Variants in PARD3 observed in about 807,000 individuals in gnomAD.
PARD3 encodes the protein partitioning defective 3 homolog.
Under a neutral mutation model 155.4 loss-of-function variants are expected in PARD3, and 75 were observed. The ratio of observed to expected loss-of-function variants is 0.48; its 90% confidence interval spans 0.40 to 0.58. The LOEUF is 0.58. PARD3 is among the 20% of genes least tolerant of loss of function. The pLI is 0.00. For synonymous variants in PARD3, 576 were observed against 610.5 expected (o/e 0.94, Z 0.83); for missense variants, 1,642 against 1,721.7 (o/e 0.95, Z 0.82).
intron 21 of PARD3, among the ~76,000 whole-genome samples, chr10:34,283,061 C>T (rs191039824): frequency 1.2e-4 from 18 of 152,104 alleles, no homozygotes; most frequent in Admixed American, 9.8e-4. Context: ...TCAAGAAAAA[C>T]CTCAGAGGTA....
intron 1 of PARD3, among the ~76,000 whole-genome samples, chr10:34,702,729 A>T (rs1055758192): frequency 1.3e-5 from 2 of 152,182 alleles, no homozygotes; most frequent in Non-Finnish European, 2.9e-5. Flanking sequence ...TCTAAAGAGA[A>T]AAGGCAGGGG....
intron 2 of PARD3, among the ~76,000 whole-genome samples, chr10:34,694,064 T>A (rs375326100): frequency 1.3e-5 from 2 of 151,878 alleles, no homozygotes; most frequent in African/African-American, 4.8e-5. Context: ...TGTATGTTTC[T>A]GCATTTTCCA....
intron 12 of PARD3, among the ~76,000 whole-genome samples, chr10:34,366,173 C>T (rs1018316439): frequency 1.3e-5 from 2 of 152,216 alleles, no homozygotes; most frequent in African/African-American, 2.4e-5. Context: ...TACAATGTTT[C>T]GACTTAATGA....
At chr10:34,217,297 G>A (rs1334218486) in intron 22 of PARD3, among the ~76,000 whole-genome samples, 1 of 152,264 alleles carries the variant, frequency 6.6e-6, no homozygotes, top group East Asian at 1.9e-4. Flanking sequence ...TTGGAAGATA[G>A]AGTGTTAAAT....
Position 34,544,139 on chromosome 10 carries a change from C to T in PARD3, c.223-26980G>A, listed in dbSNP as rs2083861697. ...TAAATTTAAAAGGATCCTAGCCTAA[C>T]TTTTCTTTTTGAATTCTGCATCTAT... On this transcript the variant is annotated intron_variant, in intron 2 of 24. Coordinates refer to ENST00000374788, the MANE Select transcript of PARD3 (RefSeq NM_001184785.2). Among the ~76,000 whole-genome samples the T allele has an allele frequency of 2.0e-5, 3 of 152,166 alleles. No individual in the cohort carries two copies. The South Asian group carries it at 6.2e-4, about 32-fold the overall frequency.
rs576883881 is a variant in PARD3, at chr10:34,591,044, G to A, written c.223-73885C>T. Among the ~76,000 whole-genome samples the A allele has an allele frequency of 5.9e-5, 9 of 152,138 alleles. No individual in the cohort carries two copies. The South Asian group carries it at 8.3e-4, about 14-fold the overall frequency. ...TGGCAGGACTACCAGGAAACAGGGC[G>A]GGAAGTAACAGGGGAAAACACACCT... On this transcript the variant is annotated intron_variant, in intron 2 of 24. Coordinates refer to ENST00000374788, the MANE Select transcript of PARD3 (RefSeq NM_001184785.2).
chr10:34,614,964 G>C (rs1291639783), intron 2 of PARD3, among the ~76,000 whole-genome samples: 1 of 152,156 alleles, frequency 6.6e-6, no homozygotes, highest in African/African-American at 2.4e-5. Flanking sequence ...GGATCACAAG[G>C]TCAGGAGATC....
At chr10:34,788,757 T>C (rs1294611198) in intron 1 of PARD3, among the ~76,000 whole-genome samples, 2 of 152,088 alleles carry the variant, frequency 1.3e-5, no homozygotes, top group East Asian at 1.9e-4. Context: ...TAACATATGA[T>C]CAAAATGAGA....
chr10:34,116,913 C>T (rs1223414682), intron 24 of PARD3, among the ~76,000 whole-genome samples: 2 of 152,026 alleles, frequency 1.3e-5, no homozygotes, highest in African/African-American at 2.4e-5. Context: ...CAGGGAGAGG[C>T]GGAGAAGGGA....
chr10:34,714,553 G>C (rs952137407), intron 1 of PARD3, among the ~76,000 whole-genome samples: 4 of 152,100 alleles, frequency 2.6e-5, no homozygotes, highest in African/African-American at 9.7e-5. Flanking sequence ...GCACAGCTTA[G>C]ATCACAGCCA....
At chr10:34,286,972 A>G (rs1212039849) in intron 20 of PARD3, among the ~76,000 whole-genome samples, 1 of 152,044 alleles carries the variant, frequency 6.6e-6, no homozygotes, top group African/African-American at 2.4e-5. Context: ...TGATGATTCC[A>G]GGGTTTTAGC....
At chr10:34,770,621 T>C (rs2051579878) in intron 1 of PARD3, among the ~76,000 whole-genome samples, 1 of 152,180 alleles carries the variant, frequency 6.6e-6, no homozygotes, top group African/African-American at 2.4e-5. Context: ...ACGCTAGCCT[T>C]GCAGTCAAGA....
At chr10:34,413,153 AC>A (rs1845282543) in intron 5 of PARD3, among the ~76,000 whole-genome samples, 1 of 93,686 alleles carries the variant, frequency 1.1e-5, no homozygotes, top group Non-Finnish European at 2.7e-5. Flanking sequence ...ATACACACAC[AC>A]ACACACACAC....
At chr10:34,806,443 C>T (rs749406240) in intron 1 of PARD3, among the ~76,000 whole-genome samples, 7 of 152,132 alleles carry the variant, frequency 4.6e-5, no homozygotes, top group Non-Finnish European at 8.8e-5. Context: ...CCCACCTCGG[C>T]CTCCCAAAGT....
chr10:34,515,889 AG>A (rs1315204212), intron 3 of PARD3, among the ~76,000 whole-genome samples: 1 of 152,168 alleles, frequency 6.6e-6, no homozygotes, highest in Non-Finnish European at 1.5e-5. Context: ...ACTACCAATC[AG>A]TAAAGACACG....
chr10:34,403,457 G>C (rs1312408924), intron 5 of PARD3, among the ~76,000 whole-genome samples: 1 of 152,172 alleles, frequency 6.6e-6, no homozygotes. Flanking sequence ...ATAGGTTCAA[G>C]ATACAATGTC....
intron 20 of PARD3, among the ~76,000 whole-genome samples, chr10:34,314,240 T>C (rs1485830884): frequency 1.3e-5 from 2 of 152,058 alleles, no homozygotes; most frequent in Non-Finnish European, 2.9e-5. Context: ...TGAGGGTATA[T>C]TCATCTCAAA....
chr10:34,692,305 G>A, intron 2 of PARD3, among the ~76,000 whole-genome samples: 1 of 151,426 alleles, frequency 6.6e-6, no homozygotes, highest in Non-Finnish European at 1.5e-5. Flanking sequence ...AAAAACCCTG[G>A]AAGATAACCT....
At chr10:34,657,687 C>T (rs1347379204) in intron 2 of PARD3, among the ~76,000 whole-genome samples, 4 of 152,016 alleles carry the variant, frequency 2.6e-5, no homozygotes, top group Non-Finnish European at 4.4e-5. Context: ...TACAGGCACA[C>T]GCCACCACGC....
Sources: allele counts gnomAD v4.1 joint callset (sites outside exome capture counted in the v4.1 genomes callset), GRCh38; gene constraint gnomAD v4.1.1; transcripts MANE v1.5; gene names NCBI Gene and HGNC (gene_info 2026-07-23, HGNC 2026-07-21).